The following FBXL20 variants were observed in gnomAD, a reference collection of about 807,000 sequenced individuals.
The protein encoded by FBXL20 is F-box and leucine rich repeat protein 20.
FBXL20 carries 11 observed loss-of-function variants against 64.0 expected under a neutral mutation model. The observed-to-expected ratio is 0.17, with a 90% confidence interval of 0.11 to 0.28. FBXL20 has a LOEUF of 0.28. Among genes scored for constraint, FBXL20 ranks in the 10% least tolerant of loss-of-function variants. The pLI is 1.00. For synonymous variants in FBXL20, 184 were observed against 189.0 expected, an observed-to-expected ratio of 0.97 and a Z score of 0.22; for missense variants, 303 against 526.2, an observed-to-expected ratio of 0.58 and a Z score of 4.15.
chr17:39,387,438 C>A (rs975163089), intron 1 of FBXL20, among the ~76,000 whole-genome samples: 7 of 152,038 alleles, frequency 4.6e-5, no homozygotes, highest in Non-Finnish European at 1.0e-4. Context: ...TGCCACCATA[C>A]CTGGCTAATT....
At chr17:39,286,984 C>T (rs943372489) in intron 6 of FBXL20, among the ~76,000 whole-genome samples, 1 of 141,824 alleles carries the variant, frequency 7.1e-6, no homozygotes. Flanking sequence ...ACGATCTTGG[C>T]TCAATGCAAC....
At chr17:39,363,735 C>T (rs533191012) in intron 1 of FBXL20, among the ~76,000 whole-genome samples, 5 of 139,948 alleles carry the variant, frequency 3.6e-5, no homozygotes, top group East Asian at 2.1e-4. Context: ...TGCTTAAGCC[C>T]GGAAGTTGAA....
chr17:39,374,692 G>A (rs2047950163), intron 1 of FBXL20, among the ~76,000 whole-genome samples: 1 of 152,176 alleles, frequency 6.6e-6, no homozygotes, highest in African/African-American at 2.4e-5. Flanking sequence ...ACCTAAAACT[G>A]AAAATAATTC....
upstream of FBXL20, chr17:39,402,547 G>A (rs972985141): frequency 2.9e-5 from 7 of 239,596 alleles, no homozygotes; most frequent in Admixed American, 5.6e-5. Context: ...CGCGTCCGTG[G>A]GGGTGGGGCG....
At chr17:39,300,270 C>A (rs1165809528) in intron 4 of FBXL20, among the ~76,000 whole-genome samples, 1 of 152,066 alleles carries the variant, frequency 6.6e-6, no homozygotes, top group Non-Finnish European at 1.5e-5. Context: ...GGTGATCCGC[C>A]CACCTTGGCC....
intron 2 of FBXL20, among the ~76,000 whole-genome samples, chr17:39,306,168 T>A (rs1957915634): frequency 1.3e-5 from 2 of 150,114 alleles, no homozygotes; most frequent in Non-Finnish European, 1.5e-5. Context: ...TTTTTTTTTT[T>A]AAGACGGAGT....
At chr17:39,267,412 G>C (rs1210576481) in intron 12 of FBXL20, among the ~76,000 whole-genome samples, 1 of 152,142 alleles carries the variant, frequency 6.6e-6, no homozygotes, top group Non-Finnish European at 1.5e-5. Flanking sequence ...AGAATCATCA[G>C]AGAAAGGAAT....
At chr17:39,289,832 T>A (rs1383018392) in intron 6 of FBXL20, among the ~76,000 whole-genome samples, 1 of 151,630 alleles carries the variant, frequency 6.6e-6, no homozygotes, top group Non-Finnish European at 1.5e-5. Flanking sequence ...CTGCCTCTAC[T>A]AAAAATACAA....
At chr17:39,385,077 C>T (rs1412190656) in intron 1 of FBXL20, among the ~76,000 whole-genome samples, 1 of 152,194 alleles carries the variant, frequency 6.6e-6, no homozygotes, top group Admixed American at 6.6e-5. Flanking sequence ...TCCCAATTAG[C>T]TATGCATGGT....
chr17:39,275,080 G>A lies in FBXL20; in HGVS notation c.717C>T (p.Leu239=). ...TATGGCACCCTCTGCATATAGTAAT[G>A]AGACCTTCATCTGTGATTTGCTAAA... ...QTCLQITDEG[L]ITICRGCHKL... is the part of the protein sequence containing the mutation. The change falls in exon 10 of 15, where the codon CTC becomes CTT. Residue 239 remains leucine (L), a synonymous_variant. Transcript: ENST00000264658. 6.2e-7 allele frequency: 1 copy of A among 1,611,554 alleles called. No homozygotes were observed. The highest frequency in any genetic ancestry group is 1.1e-5 in the South Asian group (1 of 90,058).
chr17:39,380,860 A>G lies in FBXL20; in HGVS notation c.42+20501T>C, dbSNP rs117635574. ...CTCACCTGTACTACCATTAAAAACT[A>G]TAGAAATAAAACTAGCAGGCCGGGC... On this transcript the variant is annotated intron_variant, in intron 1 of 14. Transcript: ENST00000264658. 2.0e-4 allele frequency among the ~76,000 whole-genome samples: 31 copies of G among 152,266 alleles called. 1 individual carries two copies. In the East Asian group the frequency reaches 5.2e-3, roughly 26 times the overall value.
intron 2 of FBXL20, among the ~76,000 whole-genome samples, chr17:39,322,451 T>C (rs1244495486): frequency 6.6e-6 from 1 of 152,164 alleles, no homozygotes; most frequent in African/African-American, 2.4e-5. Context: ...TTAAAATGTA[T>C]GTAACCTGAT....
rs1329922833 is a variant in FBXL20 at position 39,258,584 on chromosome 17, T to C, written c.*2876A>G. On this transcript the variant is annotated 3_prime_UTR_variant, in exon 15 of 15. Transcript: ENST00000264658. ...ATGGACCTGCCTGTGGGTATATCCT[T>C]TGAGCAGAGAAACAGCATTTCCAAG... 3.3e-5 allele frequency: 5 copies of C among 152,222 alleles called. No homozygotes were observed. The allele number at this position is 152,222 out of a possible 1,614,324, so 9.4% of individuals were successfully genotyped here.
At chr17:39,298,563 T>A (rs974212009) in intron 5 of FBXL20, among the ~76,000 whole-genome samples, 36 of 151,916 alleles carry the variant, frequency 2.4e-4, no homozygotes, top group Non-Finnish European at 4.1e-4. Flanking sequence ...TATAAAAAAA[T>A]TTTAAAACTT....
chr17:39,261,619 A>C, intron 14 of FBXL20, 52 bp from the exon 15 acceptor site: 1 of 1,382,912 alleles, frequency 7.2e-7, no homozygotes, highest in Non-Finnish European at 1.0e-6. Flanking sequence ...AAACAGAAAG[A>C]GCAATGTTGG....
At chr17:39,347,253 T>C (rs2144581716) in intron 1 of FBXL20, among the ~76,000 whole-genome samples, 1 of 152,318 alleles carries the variant, frequency 6.6e-6, no homozygotes, top group Non-Finnish European at 1.5e-5. Context: ...TGTAGATCCT[T>C]GAGGAATCGC....
chr17:39,305,513 T>G (rs2047173841), intron 2 of FBXL20, among the ~76,000 whole-genome samples: 1 of 152,154 alleles, frequency 6.6e-6, no homozygotes, highest in African/African-American at 2.4e-5. Context: ...AAGACCAGCC[T>G]GGGCAACACA....
At chr17:39,371,422 G>A (rs567489233) in intron 1 of FBXL20, among the ~76,000 whole-genome samples, 8 of 152,010 alleles carry the variant, frequency 5.3e-5, no homozygotes, top group Non-Finnish European at 1.2e-4. Context: ...TTACTGCAGA[G>A]GAAGATCCTC....
At chr17:39,264,503 T>C (rs919003776) in intron 13 of FBXL20, 116 bp from the exon 14 acceptor site, 14 of 1,066,350 alleles carry the variant, frequency 1.3e-5, no homozygotes, top group Non-Finnish European at 1.9e-5. Flanking sequence ...AATATGGAGC[T>C]GGCACTAGAT....
Sources: gnomAD v4.1 joint callset for allele counts (sites outside exome capture counted in the v4.1 genomes callset) on GRCh38, gnomAD v4.1.1 for gene constraint, MANE v1.5 for transcripts, NCBI Gene and HGNC (gene_info 2026-07-23, HGNC 2026-07-21) for gene names.